BARD1: variants seen among roughly 807,000 people sequenced by gnomAD.
The protein encoded by BARD1 is BRCA1 associated RING domain 1.
A neutral mutation model predicts 77.0 loss-of-function variants in BARD1; 73 were observed. The ratio of observed to expected loss-of-function variants is 0.95; its 90% CI spans 0.79 to 1.15. BARD1 has a LOEUF of 1.15. BARD1 is among the 50% of genes most tolerant of loss of function. The pLI is 0.00. For missense variants in BARD1, 993 were observed against 938.8 expected (o/e 1.06, Z -0.75); for synonymous variants, 384 against 338.0 (o/e 1.14, Z -1.49).
At position 214,726,891 on chromosome 2, in the gene BARD1, G is replaced by A. The variant is rs1692106901; in HGVS notation, c.*1785C>T. On this transcript the variant is annotated 3_prime_UTR_variant, in exon 11 of 11. Coordinates refer to ENST00000260947, the MANE Select transcript of BARD1 (RefSeq NM_000465.4). ...TGACAAAAACTAAGAGACCTCATAG[G>A]TGTCTTTACAATCAGGAATTCAGAT... is the stretch of plus-strand genomic sequence containing the variant. 4.4e-6 allele frequency: 1 copy of A among 228,750 alleles called. No individual in the cohort carries two copies. The highest frequency in any genetic ancestry group is 2.2e-5 in the African/African-American group (1 of 45,132). The allele number at this position is 228,750 out of a possible 1,614,324, so 14.2% of individuals were successfully genotyped here. A position where few individuals can be genotyped will look rare whatever the true frequency, so the allele number is the denominator to read the frequency against.
rs759957629 is a variant in BARD1, at chr2:214,809,493, A to G, written c.77T>C (p.Met26Thr). 1.9e-6 allele frequency: 3 copies of G among 1,607,596 alleles called. No individual in the cohort carries two copies. Among genetic ancestry groups the G allele is most frequent in the Non-Finnish European group, 2.5e-6 (3 of 1,178,150 alleles). Residue 26 changes from methionine (M) to threonine (T), a missense_variant, in exon 1 of 11, where the codon ATG becomes ACG. Met to Thr is a moderately conservative substitution (Grantham distance 81, BLOSUM62 -1). Transcript: ENST00000260947. Reference protein sequence around the residue: ...SGNEPRSAPAMEPDGRGAWAH... With the variant: ...SGNEPRSAPATEPDGRGAWAH... ...CCAGGCACCGCGACCATCCGGTTCC[A>G]TGGCGGGCGCGGAACGAGGCTCGTT...
rs1694277099 is a variant in BARD1 at position 214,767,638 on chromosome 2, T to G, written c.1412A>C (p.His471Pro). The G allele has an allele frequency of 6.2e-7, 1 of 1,613,980 alleles. No individual in the cohort carries two copies. The highest frequency in any genetic ancestry group is 8.5e-7 in the Non-Finnish European group (1 of 1,179,922). Residue 471 changes from histidine to proline, a missense_variant, in exon 6 of 11, where the codon CAT becomes CCT. His to Pro is a moderately conservative substitution (Grantham distance 77, BLOSUM62 -2). Coordinates refer to ENST00000260947, the MANE Select transcript of BARD1 (RefSeq NM_000465.4). ...GWTPLHEACN[H>P]GHLKVVELLL... The stretch of plus-strand genomic sequence containing the variant: ...TAATTCCACTACCTTCAGGTGCCCA[T>G]GATTGCAAGCTTCATGCTAATTAAA...
intron 9 of BARD1, among the ~76,000 whole-genome samples, chr2:214,733,352 A>T (rs1231320864): frequency 6.6e-6 from 1 of 152,250 alleles, no homozygotes; most frequent in Non-Finnish European, 1.5e-5. Flanking sequence ...TTTATGTTTC[A>T]TATACGCTTT....
Position 214,809,654 on chromosome 2 carries a change from C to T in BARD1, c.-85G>A. 11 of 1,489,646 alleles carry T rather than the reference C, an allele frequency of 7.4e-6. No homozygotes were observed. Among genetic ancestry groups the T allele is most frequent in the Non-Finnish European group, 9.9e-6 (11 of 1,109,192 alleles). The allele number at this position is 1,489,646 out of a possible 1,614,324, so 92.3% of individuals were successfully genotyped here. A position where few individuals can be genotyped will look rare whatever the true frequency, so the allele number is the denominator to read the frequency against. ...CCACAGGGAAGCTGCAGGCCAGCGA[C>T]TCGAAACCGGCCAAGCTCTTCCCGC... On this transcript the variant is annotated 5_prime_UTR_variant, in exon 1 of 11. Transcript: ENST00000260947.
chr2:214,730,323 C>A, intron 10 of BARD1, 88 bp downstream of exon 10: 5 of 1,113,114 alleles, frequency 4.5e-6, no homozygotes, highest in Non-Finnish European at 6.9e-6. Flanking sequence ...TCACCTGTAG[C>A]TGTTGAAAGG....
intron 6 of BARD1, among the ~76,000 whole-genome samples, chr2:214,763,307 T>A (rs1024976822): frequency 1.3e-4 from 20 of 152,176 alleles, no homozygotes; most frequent in African/African-American, 4.8e-4. Context: ...AGCACCGTGC[T>A]ATGAAGGCAT....
In BARD1 at chr2:214,767,486, C is replaced by T. The variant is rs730881419; in HGVS notation, c.1564G>A (p.Ala522Thr). 6.2e-7 allele frequency: 1 copy of T among 1,613,224 alleles called. No individual in the cohort carries two copies. Among genetic ancestry groups the T allele is most frequent in the African/African-American group, 1.3e-5 (1 of 75,008 alleles). ...TTTTTACGTTGAACTACTTACACAGCATTTCTGGAGGCTCCATAGGAAAGT... is the reference window on the plus strand; with the variant it reads ...TTTTTACGTTGAACTACTTACACAGTATTTCTGGAGGCTCCATAGGAAAGT... ...LLLSYGASRN[A>T]VNIFGLRPVD... is the part of the protein sequence containing the mutation. Residue 522 changes from alanine (A) to threonine (T), a missense_variant, in exon 6 of 11, where the codon GCT becomes ACT. Coordinates refer to ENST00000260947, the MANE Select transcript of BARD1 (RefSeq NM_000465.4).
intron 6 of BARD1, among the ~76,000 whole-genome samples, chr2:214,752,921 C>T (rs1693527336): frequency 6.6e-6 from 1 of 151,956 alleles, no homozygotes; most frequent in East Asian, 1.9e-4. Context: ...TCTTTATAAA[C>T]CAATAAAAAA....
In BARD1 at chr2:214,774,103, C is replaced by T. The variant is rs115792506; in HGVS notation, c.1315-4791G>A. On this transcript the variant is annotated intron_variant, in intron 4 of 10. Transcript: ENST00000260947. ...TCATGAGGCTGCAGCAATTCAGTTA[C>T]GTCTTCAGGCTCCACTTCTAATTCT... Among the ~76,000 whole-genome samples, 705 of 152,340 alleles carry T rather than the reference C, an allele frequency of 4.6e-3. 5 individuals carry two copies. The highest frequency in any genetic ancestry group is 0.016 in the African/African-American group (669 of 41,582).
intron 6 of BARD1, among the ~76,000 whole-genome samples, chr2:214,766,606 T>A (rs1038729659): frequency 1.3e-4 from 18 of 134,656 alleles, no homozygotes; most frequent in African/African-American, 4.9e-4. Context: ...CATGGGGAAT[T>A]GGTTCCTCAA....
chr2:214,773,636 T>A (rs201849058), intron 4 of BARD1, among the ~76,000 whole-genome samples: 143 of 150,370 alleles, frequency 9.5e-4, no homozygotes, highest in African/African-American at 3.3e-3. Context: ...TTATGTTTTT[T>A]AAAAAAAATG....
intron 1 of BARD1, 125 bp downstream of exon 1, chr2:214,809,287 G>T (rs1696440658): frequency 2.8e-6 from 4 of 1,406,646 alleles, no homozygotes; most frequent in Non-Finnish European, 3.9e-6. Context: ...GGTGCTAACC[G>T]CACGCCGACC....
At chr2:214,778,478 T>G (rs2106102915) in intron 4 of BARD1, among the ~76,000 whole-genome samples, 1 of 152,202 alleles carries the variant, frequency 6.6e-6, no homozygotes, top group South Asian at 2.1e-4. Context: ...CCGGCAAAAC[T>G]CTAAGCAAAC....
At chr2:214,795,286 T>C (rs917911567) in intron 2 of BARD1, among the ~76,000 whole-genome samples, 6 of 152,030 alleles carry the variant, frequency 3.9e-5, no homozygotes, top group African/African-American at 9.7e-5. Context: ...GTGGAAGAAA[T>C]AGCAAGTGCC....
intron 9 of BARD1, among the ~76,000 whole-genome samples, chr2:214,734,745 C>A (rs951930433): frequency 2.0e-5 from 3 of 152,092 alleles, no homozygotes; most frequent in African/African-American, 7.2e-5. Context: ...CCAATTTATT[C>A]TATTCTGTTT....
At chr2:214,780,342 T>C (rs1694924388) in intron 4 of BARD1, among the ~76,000 whole-genome samples, 1 of 152,132 alleles carries the variant, frequency 6.6e-6, no homozygotes, top group East Asian at 1.9e-4. Flanking sequence ...AAATATTGGT[T>C]TTCTCCTACA....
At chr2:214,775,304 T>C (rs929807953) in intron 4 of BARD1, among the ~76,000 whole-genome samples, 3 of 152,130 alleles carry the variant, frequency 2.0e-5, no homozygotes, top group African/African-American at 7.2e-5. Context: ...TCAGAGGACA[T>C]TGTAGGGTTG....
rs876660360 is a variant in BARD1 at position 214,730,511 on chromosome 2, G to C, written c.1904-3C>G. 9 of 1,611,538 alleles carry C rather than the reference G, an allele frequency of 5.6e-6. No homozygotes were observed. The highest frequency in any genetic ancestry group is 5.3e-5 in the African/African-American group (4 of 74,784). On this transcript the variant is annotated splice_region_variant and splice_polypyrimidine_tract_variant and intron_variant, in intron 9 of 10. Coordinates refer to ENST00000260947, the MANE Select transcript of BARD1 (RefSeq NM_000465.4). ...TCTTCGTAGACATGCTTTTACCCCT[G>C]ACAAAAACACAAGAATTAAAGCAAA...
At chr2:214,730,318 T>C (rs1012092426) in intron 10 of BARD1, 93 bp downstream of exon 10, 3 of 1,063,624 alleles carry the variant, frequency 2.8e-6, no homozygotes, top group African/African-American at 3.1e-5. Context: ...ATCAGTCACC[T>C]GTAGCTGTTG....
Sources: gnomAD v4.1 joint callset for allele counts (sites outside exome capture counted in the v4.1 genomes callset) on GRCh38, gnomAD v4.1.1 for gene constraint, MANE v1.5 for transcripts, NCBI Gene and HGNC (gene_info 2026-07-23, HGNC 2026-07-21) for gene names.